The following PRKACG variants were observed in gnomAD, a reference collection of about 807,000 sequenced individuals.
PRKACG encodes the protein protein kinase cAMP-activated catalytic subunit gamma.
PRKACG carries 24 observed loss-of-function variants against 25.6 expected under a neutral mutation model. That is an observed-to-expected ratio of 0.94 (90% CI 0.68 to 1.32). PRKACG has a LOEUF of 1.32. Ranked by LOEUF, PRKACG falls within the 40% of genes most tolerant of loss-of-function variation. The pLI, the probability that PRKACG is intolerant of heterozygous loss-of-function variation, is 0.00. For synonymous variants in PRKACG, 202 were observed against 195.9 expected, an observed-to-expected ratio of 1.03 and a Z score of -0.26; for missense variants, 481 against 462.9, an observed-to-expected ratio of 1.04 and a Z score of -0.36.
chr9:69,013,754 G>A lies in PRKACG; in HGVS notation c.339C>T (p.Asp113=), dbSNP rs753172374. Residue 113 remains aspartate, a synonymous_variant, in exon 1 of 1, where the codon GAC becomes GAT. Transcript: ENST00000377276. ...CCATCACCAGGTACAGGTAGGAGTT[G>A]TCCTTAAAGGAGAACTGGAGCTTGA... ...FLVKLQFSFK[D]NSYLYLVMEY... is the part of the protein sequence containing the mutation. 1.9e-5 allele frequency: 31 copies of A among 1,614,054 alleles called. No homozygotes were observed. Among genetic ancestry groups the A allele is most frequent in the Non-Finnish European group, 2.6e-5 (31 of 1,180,016 alleles).
chr9:69,013,419 A>G lies in PRKACG; in HGVS notation c.674T>C (p.Leu225Pro), dbSNP rs1451893780. The G allele has an allele frequency of 3.1e-6, 5 of 1,613,244 alleles. No homozygotes were observed. Among genetic ancestry groups the G allele is most frequent in the Non-Finnish European group, 4.2e-6 (5 of 1,180,006 alleles). The change falls in exon 1 of 1, where the codon CTA becomes CCA. Residue 225 changes from leucine to proline, a missense_variant. Coordinates refer to ENST00000377276, the MANE Select transcript of PRKACG (RefSeq NM_002732.4). The part of the protein sequence containing the change: ...GYNKAVDWWA[L>P]GVLIYEMAVG... ...GGCCATCTCATAGATGAGCACCCCT[A>G]GGGCCCACCAGTCCACGGCCTTGTT...
rs1306023618 is a variant in PRKACG, at chr9:69,013,924, G to T, written c.169C>A (p.Arg57=). 1.2e-6 allele frequency: 2 copies of T among 1,613,836 alleles called. No homozygotes were observed. ...TCCTGGTGCCTCACCAGCATCACCC[G>T]CCCGAAGGAGCCCATGCCCAGCGTC... The part of the protein sequence containing the change: ...LRTLGMGSFG[R]VMLVRHQETG... The change falls in exon 1 of 1, where the codon CGG becomes AGG. Residue 57 remains arginine (R), a synonymous_variant. Coordinates refer to ENST00000377276, the MANE Select transcript of PRKACG (RefSeq NM_002732.4).
chr9:69,013,116 C>T lies in PRKACG; in HGVS notation c.977G>A (p.Ser326Asn), dbSNP rs1396392887. The change falls in exon 1 of 1, where the codon AGT becomes AAT. Residue 326 changes from serine (S) to asparagine (N), a missense_variant. Coordinates refer to ENST00000377276, the MANE Select transcript of PRKACG (RefSeq NM_002732.4). ...IPKYTGPGDASNFDDYEEEEL... is the reference protein window; with the variant it reads ...IPKYTGPGDANNFDDYEEEEL... ...TTCCTCCTCGTAGTCGTCAAAGTTA[C>T]TGGCATCCCCAGGGCCTGTGTACTT... The T allele has an allele frequency of 1.2e-6, 2 of 1,614,200 alleles. No homozygotes were observed. The highest frequency in any genetic ancestry group is 1.7e-6 in the Non-Finnish European group (2 of 1,180,044).
chr9:69,013,032 C>T lies in PRKACG; in HGVS notation c.*5G>A. On this transcript the variant is annotated 3_prime_UTR_variant, in exon 1 of 1. Coordinates refer to ENST00000377276, the MANE Select transcript of PRKACG (RefSeq NM_002732.4). ...AAGAAAACCCACAGGGGCACAAGCACACCCCTAAAACTCAGAAAACTCCTT... is the reference window on the plus strand; with the variant it reads ...AAGAAAACCCACAGGGGCACAAGCATACCCCTAAAACTCAGAAAACTCCTT... The T allele has an allele frequency of 6.2e-7, 1 of 1,609,298 alleles. No individual in the cohort carries two copies. Among genetic ancestry groups the T allele is most frequent in the Non-Finnish European group, 8.5e-7 (1 of 1,177,528 alleles).
In PRKACG at chr9:69,013,511, G is replaced by A; in HGVS notation, c.582C>T (p.Gly194=). Residue 194 remains glycine (G), a synonymous_variant, in exon 1 of 1, where the codon GGC becomes GGT. Transcript: ENST00000377276. ...TDFGFAKRVK[G]RTWTLCGTPE... Reference sequence around the variant, plus strand: ...GGGTCCCGCACAAGGTCCAAGTGCGGCCCTTCACGCGCTTGGCGAAACCGA... The same window carrying A: ...GGGTCCCGCACAAGGTCCAAGTGCGACCCTTCACGCGCTTGGCGAAACCGA... The A allele has an allele frequency of 6.2e-7, 1 of 1,614,084 alleles. No individual in the cohort carries two copies. Among genetic ancestry groups the A allele is most frequent in the Non-Finnish European group, 8.5e-7 (1 of 1,180,024 alleles).
Position 69,012,578 on chromosome 9 carries a change from C to T in PRKACG, c.*459G>A, listed in dbSNP as rs187775825. On this transcript the variant is annotated 3_prime_UTR_variant, in exon 1 of 1. Transcript: ENST00000377276. ...AGCAAACAGCCCACTGAACATGGCA[C>T]TAAACCTCTCTCCTTCCCAGGCAGG... 306 of 164,372 alleles carry T rather than the reference C, an allele frequency of 1.9e-3. No individual in the cohort carries two copies. Among genetic ancestry groups the T allele is most frequent in the African/African-American group, 7.0e-3 (293 of 41,758 alleles). 10.2% of individuals were successfully genotyped at this position (164,372 alleles called of 1,614,324 possible).
chr9:69,014,048 G>C lies in PRKACG; in HGVS notation c.45C>G (p.Ser15Arg). ...PAKKDTEQEE[S>R]VNEFLAKARG... ...TGGCTTTGGCTAGGAACTCGTTCAC[G>C]CTCTCCTCCTGCTCGGTGTCCTTCT... Residue 15 changes from serine to arginine, a missense_variant, in exon 1 of 1, where the codon AGC becomes AGG. Transcript: ENST00000377276. 1 of 1,612,530 alleles carries C rather than the reference G, an allele frequency of 6.2e-7. No homozygotes were observed.
Position 69,013,262 on chromosome 9 carries a change from G to T in PRKACG, c.831C>A (p.Asp277Glu), listed in dbSNP as rs1831293354. ...KHLLRSLLQV[D>E]LTKRFGNLRN... ...TGAGGTTTCCGAAGCGCTTGGTGAG[G>T]TCCACCTGCAGCAGGCTCCGCAGCA... is the stretch of plus-strand genomic sequence containing the variant. The change falls in exon 1 of 1, where the codon GAC becomes GAA. Residue 277 changes from aspartate to glutamate, a missense_variant. Asp to Glu is a conservative substitution (Grantham distance 45, BLOSUM62 2). Coordinates refer to ENST00000377276, the MANE Select transcript of PRKACG (RefSeq NM_002732.4). 9.9e-6 allele frequency: 16 copies of T among 1,614,156 alleles called. No homozygotes were observed. In the Middle Eastern group the frequency reaches 1.2e-3, roughly 116 times the overall value.
Position 69,013,685 on chromosome 9 carries a change from G to C in PRKACG, c.408C>G (p.Val136=). 6.2e-7 allele frequency: 1 copy of C among 1,614,126 alleles called. No homozygotes were observed. Among genetic ancestry groups the C allele is most frequent in the African/African-American group, 1.3e-5 (1 of 75,040 alleles). The change falls in exon 1 of 1, where the codon GTC becomes GTG. Residue 136 remains valine, a synonymous_variant. Coordinates refer to ENST00000377276, the MANE Select transcript of PRKACG (RefSeq NM_002732.4). The stretch of plus-strand genomic sequence containing the variant: ...AGGCATGGGGCTCGCTAAACCTTCC[G>C]ACGCGCTGTAGGCGGGAGAACATCT... ...GGEMFSRLQR[V]GRFSEPHACF...
At position 69,012,823 on chromosome 9, in the gene PRKACG, A is replaced by G; in HGVS notation, c.*214T>C. 3.6e-6 allele frequency: 2 copies of G among 559,568 alleles called. No homozygotes were observed. The highest frequency in any genetic ancestry group is 6.3e-6 in the Non-Finnish European group (2 of 319,988). 34.7% of individuals were successfully genotyped at this position (559,568 alleles called of 1,614,324 possible). A position where few individuals can be genotyped will look rare whatever the true frequency, so the allele number is the denominator to read the frequency against. ...AGGAGAAAGAGAGAAGCACAGAGGG[A>G]CCAGGAAGGCATGGGGGGGGGTGAG... is the stretch of plus-strand genomic sequence containing the variant. On this transcript the variant is annotated 3_prime_UTR_variant, in exon 1 of 1. Coordinates refer to ENST00000377276, the MANE Select transcript of PRKACG (RefSeq NM_002732.4).
rs774843038 is a variant in PRKACG at position 69,013,616 on chromosome 9, G to A, written c.477C>T (p.His159=). ...GGTCGCGGTGGATGAGGTCGAGCGA[G>A]TGTAGGTACTGGACGGCCAGGACGA... is the stretch of plus-strand genomic sequence containing the variant. ...AQVVLAVQYL[H]SLDLIHRDLK... Residue 159 remains histidine, a synonymous_variant, in exon 1 of 1, where the codon CAC becomes CAT. Transcript: ENST00000377276. The A allele has an allele frequency of 3.7e-6, 6 of 1,613,392 alleles. No homozygotes were observed. The highest frequency in any genetic ancestry group is 1.1e-5 in the South Asian group (1 of 91,040).
At position 69,013,229 on chromosome 9, in the gene PRKACG, C is replaced by A; in HGVS notation, c.864G>T (p.Gly288=). 3.1e-6 allele frequency: 5 copies of A among 1,614,132 alleles called. No homozygotes were observed. Among genetic ancestry groups the A allele is most frequent in the Non-Finnish European group, 3.4e-6 (4 of 1,180,038 alleles). The change falls in exon 1 of 1, where the codon GGG becomes GGT. Residue 288 remains glycine, a synonymous_variant. Coordinates refer to ENST00000377276, the MANE Select transcript of PRKACG (RefSeq NM_002732.4). ...ACTTGTGGTTCTTGATGTCGCCAAC[C>A]CCGTTCCTGAGGTTTCCGAAGCGCT... ...LTKRFGNLRN[G]VGDIKNHKWF...
In PRKACG at chr9:69,014,082, G is replaced by A. The variant is rs775927407; in HGVS notation, c.11C>T (p.Ala4Val). The change falls in exon 1 of 1, where the codon GCC becomes GTC. Residue 4 changes from alanine to valine, a missense_variant. Transcript: ENST00000377276. The part of the protein sequence containing the change: MGN[A>V]PAKKDTEQEE... ...CTGCTCGGTGTCCTTCTTGGCGGGG[G>A]CGTTGCCCATGGCGGTGGCGGCGGC... 5.9e-5 allele frequency: 95 copies of A among 1,596,648 alleles called. No individual in the cohort carries two copies. Among genetic ancestry groups the A allele is most frequent in the Middle Eastern group, 3.3e-4 (2 of 6,046 alleles).
Position 69,013,439 on chromosome 9 carries a change from C to T in PRKACG, c.654G>A (p.Lys218=). 2 of 1,613,836 alleles carry T rather than the reference C, an allele frequency of 1.2e-6. No individual in the cohort carries two copies. Among genetic ancestry groups the T allele is most frequent in the South Asian group, 1.1e-5 (1 of 91,070 alleles). ...CCCCTAGGGCCCACCAGTCCACGGCCTTGTTGTAGCCTTTGCTCAGGATGA... is the reference window on the plus strand; with the variant it reads ...CCCCTAGGGCCCACCAGTCCACGGCTTTGTTGTAGCCTTTGCTCAGGATGA... ...PEIILSKGYN[K]AVDWWALGVL... is the part of the protein sequence containing the mutation. Residue 218 remains lysine, a synonymous_variant, in exon 1 of 1, where the codon AAG becomes AAA. Transcript: ENST00000377276.
chr9:69,013,335 G>A lies in PRKACG; in HGVS notation c.758C>T (p.Ser253Phe). Residue 253 changes from serine (S) to phenylalanine (F), a missense_variant, in exon 1 of 1, where the codon TCT becomes TTT. By Grantham distance (155) the Ser-to-Phe change is radical (BLOSUM62 -2). Coordinates refer to ENST00000377276, the MANE Select transcript of PRKACG (RefSeq NM_002732.4). ...QPIQIYEKIV[S>F]GRVRFPSKLS... is the part of the protein sequence containing the mutation. ...TTTGGAGGGAAACCGCACCCTCCCA[G>A]AGACGATCTTCTCGTAGATCTGGAT... is the stretch of plus-strand genomic sequence containing the variant. The A allele has an allele frequency of 1.2e-6, 2 of 1,614,130 alleles. No homozygotes were observed. The highest frequency in any genetic ancestry group is 1.7e-6 in the Non-Finnish European group (2 of 1,180,022).
Position 69,013,718 on chromosome 9 carries a change from C to A in PRKACG, c.375G>T (p.Pro125=). The A allele has an allele frequency of 6.2e-7, 1 of 1,614,056 alleles. No homozygotes were observed. Among genetic ancestry groups the A allele is most frequent in the Non-Finnish European group, 8.5e-7 (1 of 1,179,988 alleles). ...SYLYLVMEYV[P]GGEMFSRLQR... is the part of the protein sequence containing the mutation. ...GTAGGCGGGAGAACATCTCCCCACC[C>A]GGCACGTACTCCATCACCAGGTACA... Residue 125 remains proline (P), a synonymous_variant, in exon 1 of 1, where the codon CCG becomes CCT. Transcript: ENST00000377276.
Position 69,012,882 on chromosome 9 carries a change from TG to T in PRKACG, c.*154del. On this transcript the variant is annotated 3_prime_UTR_variant, in exon 1 of 1. Coordinates refer to ENST00000377276, the MANE Select transcript of PRKACG (RefSeq NM_002732.4). ...TGGTGTTTCTGTTCCTCCAAATATC[TG>T]GGCTTCCTGCTCCCCCAACCCTGGA... 1.4e-6 allele frequency: 1 copy of T among 690,908 alleles called. No individual in the cohort carries two copies. The allele number at this position is 690,908 out of a possible 1,614,324, so 42.8% of individuals were successfully genotyped here. A position where few individuals can be genotyped will look rare whatever the true frequency, so the allele number is the denominator to read the frequency against.
At position 69,013,644 on chromosome 9, in the gene PRKACG, T is replaced by C. The variant is rs147576281; in HGVS notation, c.449A>G (p.Gln150Arg). The change falls in exon 1 of 1, where the codon CAG becomes CGG. Residue 150 changes from glutamine to arginine, a missense_variant. Coordinates refer to ENST00000377276, the MANE Select transcript of PRKACG (RefSeq NM_002732.4). ...TAGGTACTGGACGGCCAGGACGACC[T>C]GGGCGGCATAGAAACAGGCATGGGG... ...SEPHACFYAA[Q>R]VVLAVQYLHS... 40 of 1,613,786 alleles carry C rather than the reference T, an allele frequency of 2.5e-5. No homozygotes were observed. The highest frequency in any genetic ancestry group is 1.7e-4 in the African/African-American group (13 of 74,886).
rs878958245 is a variant in PRKACG, at chr9:69,012,834, A to AT, written c.*202dup. ...AGAAGCACAGAGGGACCAGGAAGGC[A>AT]TGGGGGGGGGTGAGGGAGCAGCTGG... is the stretch of plus-strand genomic sequence containing the variant. On this transcript the variant is annotated 3_prime_UTR_variant, in exon 1 of 1. Transcript: ENST00000377276. The AT allele has an allele frequency of 1.1e-4, 61 of 551,488 alleles. 1 individual carries two copies. In the South Asian group the frequency reaches 1.3e-3, roughly 11 times the overall value. The allele number at this position is 551,488 out of a possible 1,614,324, so 34.2% of individuals were successfully genotyped here. A position where few individuals can be genotyped will look rare whatever the true frequency, so the allele number is the denominator to read the frequency against.
Sources: gnomAD v4.1 joint callset for allele counts on GRCh38, gnomAD v4.1.1 for gene constraint, MANE v1.5 for transcripts, NCBI Gene and HGNC (gene_info 2026-07-23, HGNC 2026-07-21) for gene names.